The following STXBP5L variants were observed in gnomAD, a reference collection of about 807,000 sequenced individuals.
STXBP5L encodes syntaxin-binding protein 5-like.
A neutral mutation model predicts 144.5 loss-of-function variants in STXBP5L; 65 were observed. The ratio of observed to expected loss-of-function variants is 0.45; its 90% CI spans 0.37 to 0.55. The LOEUF is 0.55. Among genes scored for constraint, STXBP5L ranks in the 20% least tolerant of loss-of-function variants. The pLI, the probability that STXBP5L is intolerant of heterozygous loss-of-function variation, is 0.00. For missense variants in STXBP5L, 1,298 were observed against 1,405.5 expected (o/e 0.92, Z 1.22); for synonymous variants, 505 against 469.6 (o/e 1.08, Z -0.97).
intron 20 of STXBP5L, among the ~76,000 whole-genome samples, chr3:121,336,806 G>A (rs558350767): frequency 6.6e-6 from 1 of 152,194 alleles, no homozygotes; most frequent in South Asian, 2.1e-4. Flanking sequence ...ATGCACGTGT[G>A]TATTCATTGC....
At chr3:121,237,485 C>A (rs555262529) in intron 12 of STXBP5L, among the ~76,000 whole-genome samples, 236 of 152,302 alleles carry the variant, frequency 1.5e-3, no homozygotes, top group Non-Finnish European at 2.5e-3. Flanking sequence ...TCAAAGATTT[C>A]TGAAATGCCT....
chr3:121,361,697 G>A (rs1465455486), intron 20 of STXBP5L, among the ~76,000 whole-genome samples: 1 of 150,882 alleles, frequency 6.6e-6, no homozygotes, highest in Non-Finnish European at 1.5e-5. Context: ...CCTTCCCTAT[G>A]TTATCTCGAA....
At chr3:121,003,634 A>G (rs575618030) in intron 3 of STXBP5L, among the ~76,000 whole-genome samples, 1 of 152,334 alleles carries the variant, frequency 6.6e-6, no homozygotes, top group East Asian at 1.9e-4. Flanking sequence ...GCCCATGCCT[A>G]TGAACTGAAT....
intron 5 of STXBP5L, among the ~76,000 whole-genome samples, chr3:121,093,483 T>C (rs1480525279): frequency 6.6e-6 from 1 of 152,232 alleles, no homozygotes; most frequent in Non-Finnish European, 1.5e-5. Flanking sequence ...ATTCAACTTC[T>C]TCCTGGTTTA....
At chr3:121,056,137 A>T (rs1948445725) in intron 5 of STXBP5L, among the ~76,000 whole-genome samples, 1 of 152,172 alleles carries the variant, frequency 6.6e-6, no homozygotes, top group African/African-American at 2.4e-5. Flanking sequence ...CTGGTGGATG[A>T]TCCTTGGACT....
Position 121,223,015 on chromosome 3 carries a change from A to G in STXBP5L, c.969A>G (p.Ile323Met). The G allele has an allele frequency of 6.2e-7, 1 of 1,601,032 alleles. No individual in the cohort carries two copies. The highest frequency in any genetic ancestry group is 8.5e-7 in the Non-Finnish European group (1 of 1,176,324). The change falls in exon 11 of 27, where the codon ATA becomes ATG. Residue 323 changes from isoleucine to methionine, a missense_variant. Transcript: ENST00000471454. ...TTTTCCTATGTAGCGAACCATTCAT[A>G]ATATTCTCTGGTGGGCTGTCCTATG... ...YKTCKNSEPF[I>M]IFSGGLSYDK...
chr3:121,298,181 A>G (rs561310589), intron 19 of STXBP5L, among the ~76,000 whole-genome samples: 2 of 152,220 alleles, frequency 1.3e-5, no homozygotes, highest in South Asian at 2.1e-4. Context: ...GTTTTTTATA[A>G]TGGCCATCCT....
At chr3:121,323,744 C>G (rs2044053426) in intron 20 of STXBP5L, among the ~76,000 whole-genome samples, 1 of 123,142 alleles carries the variant, frequency 8.1e-6, no homozygotes, top group South Asian at 3.2e-4. Flanking sequence ...TTTTTAAAGG[C>G]TGTACAACCT....
At chr3:120,908,534 C>A (rs1341517956) in intron 1 of STXBP5L, among the ~76,000 whole-genome samples, 200 bp downstream of exon 1, 1 of 151,870 alleles carries the variant, frequency 6.6e-6, no homozygotes, top group East Asian at 2.0e-4. Context: ...TGTGTGTGTT[C>A]TGGCTGGGAG....
intron 10 of STXBP5L, among the ~76,000 whole-genome samples, chr3:121,215,170 CG>C (rs1014037678): frequency 1.3e-5 from 2 of 151,964 alleles, no homozygotes; most frequent in African/African-American, 4.8e-5. Context: ...TGCCAGTCTG[CG>C]TCTTTTAACT....
At chr3:120,942,501 A>G (rs192557281) in intron 2 of STXBP5L, among the ~76,000 whole-genome samples, 1 of 151,666 alleles carries the variant, frequency 6.6e-6, no homozygotes, top group Admixed American at 6.6e-5. Flanking sequence ...AATGTTACTG[A>G]ATAAAACCTT....
At chr3:121,213,839 G>A (rs1050215831) in intron 10 of STXBP5L, among the ~76,000 whole-genome samples, 1 of 152,114 alleles carries the variant, frequency 6.6e-6, no homozygotes, top group African/African-American at 2.4e-5. Flanking sequence ...AATCCATGTG[G>A]TCCTGGGCTT....
intron 23 of STXBP5L, among the ~76,000 whole-genome samples, chr3:121,411,880 TCAGA>T (rs1258682138): frequency 1.3e-5 from 2 of 152,166 alleles, no homozygotes; most frequent in Admixed American, 6.6e-5. Context: ...AAGTATGCAG[TCAGA>T]CACTTTCTAG....
At chr3:120,950,403 A>T (rs1711135377) in intron 2 of STXBP5L, among the ~76,000 whole-genome samples, 1 of 151,938 alleles carries the variant, frequency 6.6e-6, no homozygotes. Context: ...CCAATACCTT[A>T]TTTTCTTGAT....
At chr3:121,161,178 T>G (rs1183080129) in intron 9 of STXBP5L, among the ~76,000 whole-genome samples, 4 of 151,986 alleles carry the variant, frequency 2.6e-5, no homozygotes, top group Non-Finnish European at 4.4e-5. Flanking sequence ...GTAGGCCTAG[T>G]GGAAATGAAT....
Position 120,909,691 on chromosome 3 carries a change from A to C in STXBP5L, c.113A>C (p.His38Pro). The C allele has an allele frequency of 6.2e-7, 1 of 1,612,832 alleles. No homozygotes were observed. Among genetic ancestry groups the C allele is most frequent in the Non-Finnish European group, 8.5e-7 (1 of 1,179,670 alleles). Residue 38 changes from histidine (H) to proline (P), a missense_variant, in exon 2 of 27, where the codon CAT becomes CCT. Coordinates refer to ENST00000471454, the MANE Select transcript of STXBP5L (RefSeq NM_001308330.2). ...SGGGAGSGSV[H>P]PAGTAGVLRE... ...GGTGGGGCTGGAAGTGGTTCCGTAC[A>C]TCCGGCGGGGACTGCAGGGGTTCTC...
chr3:120,954,714 G>T lies in STXBP5L; in HGVS notation c.190-226G>T, dbSNP rs183599354. Among the ~76,000 whole-genome samples, 688 of 151,974 alleles carry T rather than the reference G, an allele frequency of 4.5e-3. 4 individuals carry two copies. Among genetic ancestry groups the T allele is most frequent in the African/African-American group, 0.016 (656 of 41,474 alleles). The stretch of plus-strand genomic sequence containing the variant: ...AGATTGTAAGACAGATGTATATTTA[G>T]TTTTATAAGAAACTGCAAGATATTT... On this transcript the variant is annotated intron_variant, in intron 2 of 26. Coordinates refer to ENST00000471454, the MANE Select transcript of STXBP5L (RefSeq NM_001308330.2).
intron 3 of STXBP5L, among the ~76,000 whole-genome samples, chr3:120,975,341 G>T (rs145152720): frequency 6.6e-4 from 101 of 151,978 alleles, no homozygotes; most frequent in Middle Eastern, 3.4e-3. Flanking sequence ...TTGGCTCTTT[G>T]TTTGTCTGTT....
At chr3:121,061,241 C>G (rs1049785612) in intron 5 of STXBP5L, among the ~76,000 whole-genome samples, 3 of 152,074 alleles carry the variant, frequency 2.0e-5, no homozygotes, top group African/African-American at 7.2e-5. Flanking sequence ...CCAGTAGTCA[C>G]TCAGGAGCAT....
Sources: gnomAD v4.1 joint callset for allele counts (sites outside exome capture counted in the v4.1 genomes callset) on GRCh38, gnomAD v4.1.1 for gene constraint, MANE v1.5 for transcripts, NCBI Gene and HGNC (gene_info 2026-07-23, HGNC 2026-07-21) for gene names.